Variants in NAALADL2 observed in about 807,000 individuals in gnomAD.
NAALADL2 encodes N-acetylated alpha-linked acidic dipeptidase like 2.
NAALADL2 carries 76 observed loss-of-function variants against 87.2 expected under a neutral mutation model. That is an observed-to-expected ratio of 0.87 (90% CI 0.72 to 1.05). The LOEUF (loss-of-function observed/expected upper bound fraction) is 1.05. NAALADL2 is among the 50% of genes least tolerant of loss of function. The pLI, the probability that NAALADL2 is intolerant of heterozygous loss-of-function variation, is 0.00. For synonymous variants in NAALADL2, 354 were observed against 331.0 expected, an observed-to-expected ratio of 1.07 and a Z score of -0.75; for missense variants, 1,089 against 945.8, an observed-to-expected ratio of 1.15 and a Z score of -1.99.
intron 2 of NAALADL2, among the ~76,000 whole-genome samples, chr3:174,700,083 T>A (rs929435528): frequency 3.3e-5 from 5 of 150,840 alleles, no homozygotes; most frequent in Admixed American, 6.7e-5. Context: ...TGAAGATTTC[T>A]CTTAATTATT....
chr3:175,498,325 G>T (rs779375300), intron 9 of NAALADL2, among the ~76,000 whole-genome samples: 1 of 152,036 alleles, frequency 6.6e-6, no homozygotes, highest in Non-Finnish European at 1.5e-5. Flanking sequence ...ACTCTTCAGC[G>T]CAGTGTATGA....
intron 11 of NAALADL2, among the ~76,000 whole-genome samples, chr3:175,685,974 T>C (rs1736237491): frequency 6.6e-6 from 1 of 152,172 alleles, no homozygotes; most frequent in Non-Finnish European, 1.5e-5. Flanking sequence ...CCCAGTCAAT[T>C]TGACACAGCA....
rs1553916905 is a variant in NAALADL2 at position 175,013,301 on chromosome 3, A to ATATATATTTTTTTTTTT, written c.44-83488_44-83487insATATATTTTTTTTTTTT. Among the ~76,000 whole-genome samples the ATATATATTTTTTTTTTT allele has an allele frequency of 6.3e-3, 453 of 71,878 alleles. 4 individuals carry two copies. Among genetic ancestry groups the ATATATATTTTTTTTTTT allele is most frequent in the Non-Finnish European group, 9.0e-3 (379 of 42,228 alleles). The allele number at this position is 71,878 out of a possible 152,430, so 47.2% of individuals were successfully genotyped here. A position where few individuals can be genotyped will look rare whatever the true frequency, so the allele number is the denominator to read the frequency against. ...TACATATATATATATATATATATAT[A>ATATATATTTTTTTTTTT]TTTTTTTTTTTTTTTGAGACAGGGT... On this transcript the variant is annotated intron_variant, in intron 1 of 13. Coordinates refer to ENST00000454872, the MANE Select transcript of NAALADL2 (RefSeq NM_207015.3).
chr3:175,164,305 G>T (rs1733672122), intron 2 of NAALADL2, among the ~76,000 whole-genome samples: 1 of 151,438 alleles, frequency 6.6e-6, no homozygotes, highest in Admixed American at 6.6e-5. Context: ...CATAATAAAT[G>T]CATAATATAT....
At chr3:174,700,108 C>T (rs566942829) in intron 2 of NAALADL2, among the ~76,000 whole-genome samples, 1,390 of 138,924 alleles carry the variant, frequency 0.01, 18 homozygotes, top group African/African-American at 0.037. Flanking sequence ...AAGCATTGAT[C>T]TGAAAAAAAA....
chr3:174,849,734 CAAAAA>C (rs57620256), intron 3 of NAALADL2, among the ~76,000 whole-genome samples: 3 of 62,800 alleles, frequency 4.8e-5, no homozygotes, highest in Admixed American at 2.1e-4. Context: ...GACTCTGACT[CAAAAA>C]AAAAAAAAAA....
intron 2 of NAALADL2, among the ~76,000 whole-genome samples, chr3:175,209,291 A>G (rs1741421959): frequency 6.6e-6 from 1 of 152,130 alleles, no homozygotes. Context: ...AAAAAAAAGC[A>G]TTTAGTTCAG....
chr3:175,054,414 T>C (rs1711672892), intron 1 of NAALADL2, among the ~76,000 whole-genome samples: 1 of 152,214 alleles, frequency 6.6e-6, no homozygotes, highest in South Asian at 2.1e-4. Context: ...GAGAAGGCAA[T>C]CCTGGCTGTA....
chr3:174,789,130 A>G (rs1224470982), intron 3 of NAALADL2, among the ~76,000 whole-genome samples: 4 of 152,146 alleles, frequency 2.6e-5, no homozygotes, highest in Admixed American at 6.6e-5. Flanking sequence ...TTTTTTCATT[A>G]ATCCATATTG....
At chr3:175,488,729 GA>G (rs1727651202) in intron 9 of NAALADL2, among the ~76,000 whole-genome samples, 1 of 152,166 alleles carries the variant, frequency 6.6e-6, no homozygotes, top group Non-Finnish European at 1.5e-5. Flanking sequence ...TTTTTCTACT[GA>G]TAAGTTATTG....
At chr3:174,551,257 T>C (rs985952866) in intron 2 of NAALADL2, 1 of 152,192 alleles carries the variant, frequency 6.6e-6, no homozygotes, top group Non-Finnish European at 1.5e-5. Context: ...TGGTGCTTTA[T>C]TTGATACTAC....
intron 3 of NAALADL2, among the ~76,000 whole-genome samples, chr3:174,825,560 A>C (rs1227369393): frequency 6.6e-6 from 1 of 152,172 alleles, no homozygotes; most frequent in African/African-American, 2.4e-5. Context: ...AAATACCCAC[A>C]CACATATACC....
chr3:175,091,271 A>G (rs992022190), intron 1 of NAALADL2, among the ~76,000 whole-genome samples: 3 of 152,110 alleles, frequency 2.0e-5, no homozygotes, highest in Admixed American at 6.5e-5. Flanking sequence ...AAAGATGCAT[A>G]ATGAATGTCT....
chr3:174,931,403 T>C (rs1422219004), intron 1 of NAALADL2, among the ~76,000 whole-genome samples: 1 of 152,068 alleles, frequency 6.6e-6, no homozygotes, highest in Non-Finnish European at 1.5e-5. Flanking sequence ...AAACATAAGA[T>C]GGGAACGATA....
chr3:174,640,510 C>T (rs1012399169), intron 2 of NAALADL2, among the ~76,000 whole-genome samples: 2 of 152,116 alleles, frequency 1.3e-5, no homozygotes, highest in Non-Finnish European at 2.9e-5. Context: ...CCAGAGGAGC[C>T]TTATAGGATG....
chr3:174,826,999 A>T (rs1258598750), intron 3 of NAALADL2, among the ~76,000 whole-genome samples: 1 of 152,228 alleles, frequency 6.6e-6, no homozygotes, highest in Non-Finnish European at 1.5e-5. Flanking sequence ...CAGATTGAAT[A>T]AGAATCATTC....
chr3:174,959,518 T>G (rs950748903), intron 1 of NAALADL2, among the ~76,000 whole-genome samples: 1 of 151,902 alleles, frequency 6.6e-6, no homozygotes, highest in South Asian at 2.1e-4. Context: ...CTGAGCACAA[T>G]ACATAGGGGA....
chr3:175,461,630 A>G (rs1245295102), intron 6 of NAALADL2, among the ~76,000 whole-genome samples: 3 of 152,230 alleles, frequency 2.0e-5, no homozygotes, highest in Non-Finnish European at 4.4e-5. Context: ...TAATATTGTA[A>G]GTAGTACAGT....
At chr3:174,804,166 C>G (rs1218372461) in intron 3 of NAALADL2, among the ~76,000 whole-genome samples, 1 of 152,042 alleles carries the variant, frequency 6.6e-6, no homozygotes, top group Non-Finnish European at 1.5e-5. Context: ...TTGTAGTTCT[C>G]CTTGAGGAGG....
Sources: allele counts gnomAD v4.1 joint callset (sites outside exome capture counted in the v4.1 genomes callset), GRCh38; gene constraint gnomAD v4.1.1; transcripts MANE v1.5; gene names NCBI Gene and HGNC (gene_info 2026-07-23, HGNC 2026-07-21).